Variants in AVL9 observed in about 807,000 individuals in gnomAD.
AVL9 encodes the protein late secretory pathway protein AVL9 homolog.
A neutral mutation model predicts 79.2 loss-of-function variants in AVL9; 49 were observed. That is an observed-to-expected ratio of 0.62 (90% CI 0.49 to 0.79). The LOEUF is 0.79. Ranked by LOEUF, AVL9 falls within the 30% of genes least tolerant of loss-of-function variation. The pLI, the probability that AVL9 is intolerant of heterozygous loss-of-function variation, is 0.00. For synonymous variants in AVL9, 299 were observed against 280.6 expected (o/e 1.07, Z -0.65); for missense variants, 682 against 776.8 (o/e 0.88, Z 1.45).
chr7:32,570,769 G>A (rs1048867047), intron 11 of AVL9, among the ~76,000 whole-genome samples: 3 of 151,046 alleles, frequency 2.0e-5, no homozygotes, highest in Non-Finnish European at 4.4e-5. Flanking sequence ...ACAAGTGCCC[G>A]CCACCACGCT....
chr7:32,572,179 A>C (rs1417615042), intron 11 of AVL9, among the ~76,000 whole-genome samples: 1 of 150,894 alleles, frequency 6.6e-6, no homozygotes, highest in African/African-American at 2.5e-5. Context: ...AAAGAAAAAA[A>C]AAAAATTCAG....
intron 6 of AVL9, 67 bp downstream of exon 6, chr7:32,552,362 G>T (rs572516386): frequency 2.1e-6 from 2 of 975,014 alleles, no homozygotes; most frequent in Non-Finnish European, 3.2e-6. Context: ...ACTGAGTTGC[G>T]TGTAAAACTT....
At chr7:32,502,326 G>A (rs558596593) in intron 1 of AVL9, among the ~76,000 whole-genome samples, 7 of 147,548 alleles carry the variant, frequency 4.7e-5, no homozygotes, top group African/African-American at 1.2e-4. Flanking sequence ...CCAGCAGGTC[G>A]AAGCTGCAGT....
At chr7:32,551,310 G>T (rs1449240176) in intron 4 of AVL9, 24 bp from the exon 5 acceptor site, 1 of 1,446,196 alleles carries the variant, frequency 6.9e-7, no homozygotes, top group South Asian at 1.2e-5. Flanking sequence ...TTAATCAATG[G>T]TAATTTCTCT....
intron 1 of AVL9, among the ~76,000 whole-genome samples, chr7:32,504,090 A>G (rs568057810): frequency 3.0e-4 from 45 of 152,350 alleles, no homozygotes; most frequent in Non-Finnish European, 5.4e-4. Context: ...CAGAAATTAT[A>G]ATATCTTTAT....
intron 1 of AVL9, among the ~76,000 whole-genome samples, chr7:32,515,006 A>G (rs184800166): frequency 1.6e-3 from 241 of 152,358 alleles, no homozygotes; most frequent in Admixed American, 3.1e-3. Context: ...TCAAAGCAGA[A>G]CAATTTTTCT....
chr7:32,570,285 G>C, intron 11 of AVL9, 131 bp downstream of exon 11: 2 of 1,245,158 alleles, frequency 1.6e-6, no homozygotes, highest in Non-Finnish European at 2.3e-6. Context: ...TGTATTCTAA[G>C]TATTTTATGT....
intron 10 of AVL9, among the ~76,000 whole-genome samples, chr7:32,565,398 A>G (rs1267417397): frequency 6.6e-6 from 1 of 152,070 alleles, no homozygotes; most frequent in Non-Finnish European, 1.5e-5. Context: ...CGTCTCTACT[A>G]AAGATACAAA....
Position 32,584,412 on chromosome 7 carries a change from C to G in AVL9, c.*505C>G, listed in dbSNP as rs1791668091. On this transcript the variant is annotated 3_prime_UTR_variant, in exon 16 of 16. Transcript: ENST00000318709. ...ATGTGATGATTTTTTTGCTTTCTAC[C>G]CACAAAACATTTATTAATTCACTTC... is the stretch of plus-strand genomic sequence containing the variant. 6.5e-6 allele frequency: 1 copy of G among 153,864 alleles called. No individual in the cohort carries two copies. Among genetic ancestry groups the G allele is most frequent in the South Asian group, 2.0e-4 (1 of 4,968 alleles). 9.5% of individuals were successfully genotyped at this position (153,864 alleles called of 1,614,324 possible). A position where few individuals can be genotyped will look rare whatever the true frequency, so the allele number is the denominator to read the frequency against.
At chr7:32,536,503 G>T (rs766569623) in intron 1 of AVL9, 18 of 150,386 alleles carry the variant, frequency 1.2e-4, no homozygotes, top group Non-Finnish European at 2.5e-4. Context: ...TACAATTTAA[G>T]ATTTAAATAT....
At chr7:32,495,921 A>G in intron 1 of AVL9, 119 bp downstream of exon 1, 1 of 588,038 alleles carries the variant, frequency 1.7e-6, no homozygotes, top group Non-Finnish European at 2.6e-6. Context: ...AGCGCCTGCG[A>G]CCCTTCGCCT....
intron 1 of AVL9, chr7:32,531,728 C>T (rs1452486834): frequency 1.3e-5 from 2 of 152,156 alleles, no homozygotes; most frequent in Non-Finnish European, 2.9e-5. Flanking sequence ...CATTCCACCC[C>T]TCGTGGAGGG....
At position 32,503,373 on chromosome 7, in the gene AVL9, TACAC is replaced by T. The variant is rs1185553909; in HGVS notation, c.93+7601_93+7604del. 6.4e-3 allele frequency among the ~76,000 whole-genome samples: 677 copies of T among 105,810 alleles called. 12 individuals are homozygous for T. The highest frequency in any genetic ancestry group is 0.023 in the African/African-American group (645 of 28,238). 69.4% of individuals were successfully genotyped at this position (105,810 alleles called of 152,430 possible). ...ATAGATATAGAGAGATATATATATA[TACAC>T]ACACACACACACACACACACACACA... is the stretch of plus-strand genomic sequence containing the variant. On this transcript the variant is annotated intron_variant, in intron 1 of 15. Coordinates refer to ENST00000318709, the MANE Select transcript of AVL9 (RefSeq NM_015060.3).
At chr7:32,524,478 G>A (rs1788313261) in intron 1 of AVL9, among the ~76,000 whole-genome samples, 1 of 152,032 alleles carries the variant, frequency 6.6e-6, no homozygotes, top group Non-Finnish European at 1.5e-5. Flanking sequence ...TCATGCTACT[G>A]CACTCCTCCC....
chr7:32,567,298 C>T (rs1790626284), intron 10 of AVL9, among the ~76,000 whole-genome samples: 1 of 152,132 alleles, frequency 6.6e-6, no homozygotes, highest in African/African-American at 2.4e-5. Context: ...AATGGAGTTT[C>T]ACCGTGTTGC....
chr7:32,507,663 G>A (rs894614621), intron 1 of AVL9, among the ~76,000 whole-genome samples: 16 of 152,080 alleles, frequency 1.1e-4, no homozygotes, highest in African/African-American at 2.9e-4. Flanking sequence ...ACAGGCATTC[G>A]GTTGTTTCAT....
intron 1 of AVL9, among the ~76,000 whole-genome samples, chr7:32,505,992 C>T (rs2128114463): frequency 6.6e-6 from 1 of 152,212 alleles, no homozygotes; most frequent in African/African-American, 2.4e-5. Context: ...TAAACATAAT[C>T]TCTGCTTGTT....
intron 12 of AVL9, among the ~76,000 whole-genome samples, chr7:32,574,051 T>C (rs751601186): frequency 9.9e-4 from 151 of 152,298 alleles, no homozygotes; most frequent in Non-Finnish European, 1.7e-3. Flanking sequence ...CCTTGGACAT[T>C]TGGCAGATAT....
intron 1 of AVL9, among the ~76,000 whole-genome samples, chr7:32,520,719 A>G (rs550547770): frequency 6.6e-6 from 1 of 152,262 alleles, no homozygotes; most frequent in Admixed American, 6.5e-5. Flanking sequence ...CACCTTTTAC[A>G]TGGGTACCCC....
Sources: gnomAD v4.1 joint callset for allele counts (sites outside exome capture counted in the v4.1 genomes callset) on GRCh38, gnomAD v4.1.1 for gene constraint, MANE v1.5 for transcripts, NCBI Gene and HGNC (gene_info 2026-07-23, HGNC 2026-07-21) for gene names.